Variants in FNBP4 observed in about 807,000 individuals in gnomAD.
The protein encoded by FNBP4 is formin binding protein 4, also known as formin-binding protein 4.
Under a neutral mutation model 119.3 loss-of-function variants are expected in FNBP4, and 34 were observed. The observed-to-expected ratio is 0.28, with a 90% CI of 0.22 to 0.38. FNBP4 has a LOEUF of 0.38. Ranked by LOEUF, FNBP4 falls within the 10% of genes least tolerant of loss-of-function variation. FNBP4 has a pLI of 1.00. For synonymous variants in FNBP4, 462 were observed against 430.6 expected (o/e 1.07, Z -0.90); for missense variants, 1,112 against 1,228.9 (o/e 0.90, Z 1.42).
At chr11:47,765,390 A>AAAAGAAAAGAAAAGG in intron 1 of FNBP4, 28 bp from the exon 2 acceptor site, 1 of 1,319,608 alleles carries the variant, frequency 7.6e-7, no homozygotes, top group East Asian at 2.3e-5. Context: ...AAAAGAAAAG[A>AAAAGAAAAGAAAAGG]AAAGAAAAGA....
chr11:47,758,867 G>C lies in FNBP4; in HGVS notation c.314-4203C>G, dbSNP rs190831195. ...GGCGAGACTCCGTCTAAAAAAAAGC[G>C]GGGGGGAAAAGAGAGAGAAATTTGC... On this transcript the variant is annotated intron_variant, in intron 2 of 16. Coordinates refer to ENST00000263773, the MANE Select transcript of FNBP4 (RefSeq NM_015308.5). 5.1e-3 allele frequency among the ~76,000 whole-genome samples: 774 copies of C among 151,720 alleles called. 9 individuals are homozygous for C. The highest frequency in any genetic ancestry group is 6.1e-3 in the Non-Finnish European group (416 of 67,888).
intron 8 of FNBP4, among the ~76,000 whole-genome samples, chr11:47,741,781 C>T (rs879485702): frequency 6.6e-6 from 1 of 151,550 alleles, no homozygotes; most frequent in Admixed American, 6.6e-5. Flanking sequence ...ATCCACTGCA[C>T]TCCAGCCTGG....
chr11:47,721,756 G>C (rs1024350279), intron 15 of FNBP4, among the ~76,000 whole-genome samples: 1 of 151,670 alleles, frequency 6.6e-6, no homozygotes, highest in South Asian at 2.1e-4. Flanking sequence ...TCAAAAGGTG[G>C]TATTTGTAAA....
At position 47,767,022 on chromosome 11, in the gene FNBP4, G is replaced by A. The variant is rs926773475; in HGVS notation, c.220+47C>T. ...CTGGCCAGGCGCCGTGAGGAGCCTAGGCCGCAAGCCCTGAGCTCGAGTTCA... is the reference window on the plus strand; with the variant it reads ...CTGGCCAGGCGCCGTGAGGAGCCTAAGCCGCAAGCCCTGAGCTCGAGTTCA... On this transcript the variant is annotated intron_variant, in intron 1 of 16. Transcript: ENST00000263773. 4.6e-6 allele frequency: 7 copies of A among 1,507,598 alleles called. No homozygotes were observed. In the South Asian group the frequency reaches 4.9e-5, roughly 11 times the overall value. The allele number at this position is 1,507,598 out of a possible 1,614,324, so 93.4% of individuals were successfully genotyped here. A position where few individuals can be genotyped will look rare whatever the true frequency, so the allele number is the denominator to read the frequency against.
chr11:47,723,095 C>T lies in FNBP4; in HGVS notation c.2686G>A (p.Ala896Thr). The T allele has an allele frequency of 6.2e-7, 1 of 1,613,516 alleles. No homozygotes were observed. Among genetic ancestry groups the T allele is most frequent in the Admixed American group, 1.7e-5 (1 of 59,874 alleles). Residue 896 changes from alanine to threonine, a missense_variant, in exon 15 of 17, where the codon GCT becomes ACT. Around this residue, in one of 2 missense-constraint regions of FNBP4, gnomAD observed 826 missense variants for 988.8 expected, o/e 0.84. Coordinates refer to ENST00000263773, the MANE Select transcript of FNBP4 (RefSeq NM_015308.5). ...PSLQPVQARG[A>T]VPTATIIEPP... Reference sequence around the variant, plus strand: ...TCTATAATGGTAGCGGTAGGCACAGCACCTCGGGCCTGAACTGGCTGCAAT... The same window carrying T: ...TCTATAATGGTAGCGGTAGGCACAGTACCTCGGGCCTGAACTGGCTGCAAT...
Position 47,732,150 on chromosome 11 carries a change from T to C in FNBP4, c.1820+387A>G. On this transcript the variant is annotated intron_variant, in intron 11 of 16. Coordinates refer to ENST00000263773, the MANE Select transcript of FNBP4 (RefSeq NM_015308.5). This position sits in a 1 kb window ranked among gnomAD's most constrained non-coding sequence, Gnocchi z 4.2. ...AGAGGATAGTAATCTTGTTCTTCATTCACATCTTCAGCCACGAAGTTTTCC... is the reference window on the plus strand; with the variant it reads ...AGAGGATAGTAATCTTGTTCTTCATCCACATCTTCAGCCACGAAGTTTTCC... 2 of 1,011,786 alleles carry C rather than the reference T, an allele frequency of 2.0e-6. No individual in the cohort carries two copies. The highest frequency in any genetic ancestry group is 2.4e-6 in the Non-Finnish European group (2 of 847,396). 62.7% of individuals were successfully genotyped at this position (1,011,786 alleles called of 1,614,324 possible).
rs570115607 is a variant in FNBP4 at position 47,760,393 on chromosome 11, T to C, written c.313+4877A>G. 4.0e-5 allele frequency among the ~76,000 whole-genome samples: 6 copies of C among 151,276 alleles called. No homozygotes were observed. In the East Asian group the frequency reaches 1.2e-3, roughly 29 times the overall value. Reference sequence around the variant, plus strand: ...TCTCCTGCCTCAGCCTACCAAGTAGTTGGGATTACAAGTGCGTGCCAATGT... The same window carrying C: ...TCTCCTGCCTCAGCCTACCAAGTAGCTGGGATTACAAGTGCGTGCCAATGT... On this transcript the variant is annotated intron_variant, in intron 2 of 16. Transcript: ENST00000263773.
intron 6 of FNBP4, among the ~76,000 whole-genome samples, chr11:47,748,199 A>G (rs1008742184): frequency 1.3e-5 from 2 of 152,024 alleles, no homozygotes; most frequent in African/African-American, 4.8e-5. Context: ...AGATCGCGCC[A>G]CTGCACTCCA....
intron 8 of FNBP4, among the ~76,000 whole-genome samples, chr11:47,738,951 C>T (rs1448189757): frequency 2.0e-5 from 3 of 146,532 alleles, no homozygotes; most frequent in African/African-American, 7.5e-5. Context: ...GTGATTTGTC[C>T]ACCTCAGCCT....
chr11:47,765,157 G>A, intron 2 of FNBP4, 113 bp downstream of exon 2: 1 of 667,208 alleles, frequency 1.5e-6, no homozygotes, highest in Non-Finnish European at 2.6e-6. Flanking sequence ...ATTTTTGGGA[G>A]AAATAATGTT....
chr11:47,719,936 G>C lies in FNBP4; in HGVS notation c.2956C>G (p.Leu986Val), dbSNP rs2097553730. The C allele has an allele frequency of 2.5e-6, 4 of 1,613,496 alleles. No homozygotes were observed. Among genetic ancestry groups the C allele is most frequent in the Non-Finnish European group, 3.4e-6 (4 of 1,179,726 alleles). Residue 986 changes from leucine to valine, a missense_variant, in exon 16 of 17, where the codon CTG (leucine) becomes GTG (valine). This residue lies in a region of FNBP4 where 826 missense variants were observed against 988.8 expected (regional missense o/e 0.84). Coordinates refer to ENST00000263773, the MANE Select transcript of FNBP4 (RefSeq NM_015308.5). ...TGTTTCCTTTTCTTTTACCTAACCA[G>C]CTGCTGCTGTTTCCACTCTTCAATT... ...KRIEEWKQQQ[L>V]VSGMAERNAN...
chr11:47,735,970 C>A (rs951637803), intron 9 of FNBP4, among the ~76,000 whole-genome samples: 1 of 151,710 alleles, frequency 6.6e-6, no homozygotes, highest in African/African-American at 2.4e-5. Context: ...CCCAGCTACT[C>A]GGGAGGCTGA....
chr11:47,755,869 A>G (rs1412636658), intron 2 of FNBP4, among the ~76,000 whole-genome samples: 1 of 152,156 alleles, frequency 6.6e-6, no homozygotes, highest in Admixed American at 6.6e-5. Context: ...CAATTATTCA[A>G]TCTCACTCTC....
At chr11:47,749,378 C>G (rs1156734396) in intron 6 of FNBP4, among the ~76,000 whole-genome samples, 1 of 151,940 alleles carries the variant, frequency 6.6e-6, no homozygotes, top group Non-Finnish European at 1.5e-5. Flanking sequence ...GCTTGACCAA[C>G]TGGTGAAACC....
At chr11:47,730,113 T>C in intron 12 of FNBP4, 2 of 985,422 alleles carry the variant, frequency 2.0e-6, no homozygotes, top group Non-Finnish European at 2.4e-6. Context: ...CTTTGGAACA[T>C]ATAAGGGATG....
In FNBP4 at chr11:47,767,261, C is replaced by T; in HGVS notation, c.28G>A (p.Gly10Ser). ...GAGAGTTGCAGGATGGGCCTACGGCCGGGTACCGCCCGGGACTTCTTCCCC... is the reference window on the plus strand; with the variant it reads ...GAGAGTTGCAGGATGGGCCTACGGCTGGGTACCGCCCGGGACTTCTTCCCC... MGKKSRAVP[G>S]RRPILQLSPP... The change falls in exon 1 of 17, where the codon GGC (glycine) becomes AGC (serine). Residue 10 changes from glycine to serine, a missense_variant. Gly to Ser is a moderately conservative substitution (Grantham distance 56, BLOSUM62 0). Around this residue, in one of 2 missense-constraint regions of FNBP4, gnomAD observed 286 missense variants for 240.1 expected, o/e 1.19. Transcript: ENST00000263773. 2 of 1,553,756 alleles carry T rather than the reference C, an allele frequency of 1.3e-6. No homozygotes were observed. Among genetic ancestry groups the T allele is most frequent in the Non-Finnish European group, 8.6e-7 (1 of 1,158,492 alleles).
At chr11:47,723,450 T>G (rs1003564410) in intron 14 of FNBP4, 134 bp from the exon 15 acceptor site, 1 of 1,381,840 alleles carries the variant, frequency 7.2e-7, no homozygotes, top group Non-Finnish European at 9.6e-7. Context: ...CATAGCCATA[T>G]TTGCTGGTAG....
chr11:47,721,290 A>G (rs921251657), intron 15 of FNBP4, among the ~76,000 whole-genome samples: 4 of 151,808 alleles, frequency 2.6e-5, no homozygotes, highest in Admixed American at 1.3e-4. Context: ...AAATAAATAA[A>G]TAAAATAAAA....
intron 16 of FNBP4, 104 bp from the exon 17 acceptor site, chr11:47,717,616 C>A: frequency 2.4e-6 from 2 of 821,146 alleles, no homozygotes; most frequent in Non-Finnish European, 4.0e-6. Context: ...CCTGATCTAT[C>A]ACGTCTATGT....
Sources: allele counts gnomAD v4.1 joint callset (sites outside exome capture counted in the v4.1 genomes callset), GRCh38; gene constraint gnomAD v4.1.1; regional missense constraint gnomAD v4.1.1; non-coding constraint Gnocchi (gnomAD v3.1); transcripts MANE v1.5; gene names NCBI Gene and HGNC (gene_info 2026-07-23, HGNC 2026-07-21).